The following TTC12 variants were observed in gnomAD, a reference collection of about 807,000 sequenced individuals.
TTC12 encodes tetratricopeptide repeat domain 12.
A neutral mutation model predicts 90.1 loss-of-function variants in TTC12; 70 were observed. The ratio of observed to expected loss-of-function variants is 0.78; its 90% confidence interval spans 0.64 to 0.95. The LOEUF is 0.95. Among genes scored for constraint, TTC12 ranks in the 40% least tolerant of loss-of-function variants. The pLI, the probability that TTC12 is intolerant of heterozygous loss-of-function variation, is 0.00. For missense variants in TTC12, 819 were observed against 846.1 expected (o/e 0.97, Z 0.40); for synonymous variants, 296 against 311.5 (o/e 0.95, Z 0.53).
At chr11:113,351,509 G>T (rs1404454762) in intron 15 of TTC12, among the ~76,000 whole-genome samples, 1 of 152,222 alleles carries the variant, frequency 6.6e-6, no homozygotes, top group Non-Finnish European at 1.5e-5. Flanking sequence ...GGTTACAGGG[G>T]AGGAAAAGCT....
chr11:113,354,394 A>G (rs1949500313), intron 16 of TTC12, among the ~76,000 whole-genome samples: 1 of 152,216 alleles, frequency 6.6e-6, no homozygotes, highest in African/African-American at 2.4e-5. Context: ...ATACAGGATC[A>G]TGTCGTCTAC....
chr11:113,348,495 C>A (rs923302362), intron 13 of TTC12, among the ~76,000 whole-genome samples: 1 of 152,182 alleles, frequency 6.6e-6, no homozygotes, highest in South Asian at 2.1e-4. Flanking sequence ...ATTATCTGGA[C>A]AATCACAGTT....
intron 9 of TTC12, 93 bp downstream of exon 9, chr11:113,338,927 C>A: frequency 1.8e-6 from 2 of 1,128,520 alleles, no homozygotes; most frequent in East Asian, 2.3e-5. Flanking sequence ...TGCCCTTGGC[C>A]ACTAGGCAGC....
At chr11:113,366,538 T>TC (rs1229200588), downstream of TTC12, 2 of 644,210 alleles carry the variant, frequency 3.1e-6, no homozygotes, top group Non-Finnish European at 4.9e-6. Flanking sequence ...TCTTTCCTGT[T>TC]CTGTAGAAGC....
At chr11:113,336,165 G>A (rs1032298960) in intron 8 of TTC12, among the ~76,000 whole-genome samples, 26 of 152,020 alleles carry the variant, frequency 1.7e-4, no homozygotes, top group Non-Finnish European at 3.4e-4. Context: ...TTTTTTTGGT[G>A]ACTAATGATG....
At chr11:113,367,219 A>G (rs1451235256), downstream of TTC12, among the ~76,000 whole-genome samples, 2 of 152,200 alleles carry the variant, frequency 1.3e-5, no homozygotes, top group Non-Finnish European at 2.9e-5. Flanking sequence ...TCTTCATGGT[A>G]CAGTGAATGT....
chr11:113,348,792 G>A (rs1211545894), intron 13 of TTC12, among the ~76,000 whole-genome samples: 1 of 152,094 alleles, frequency 6.6e-6, no homozygotes, highest in African/African-American at 2.4e-5. Flanking sequence ...TGGAGAACAG[G>A]GGCCAACAGG....
chr11:113,318,712 A>T (rs781944795), intron 2 of TTC12, among the ~76,000 whole-genome samples: 26 of 152,346 alleles, frequency 1.7e-4, no homozygotes, highest in Non-Finnish European at 2.5e-4. Context: ...GGTCACTGGG[A>T]AAATGACAGG....
At chr11:113,332,884 G>A (rs1948143840) in intron 7 of TTC12, among the ~76,000 whole-genome samples, 1 of 152,106 alleles carries the variant, frequency 6.6e-6, no homozygotes, top group Admixed American at 6.5e-5. Flanking sequence ...CTAGGCCCGT[G>A]GTTTTGACTT....
At chr11:113,372,794 A>G (rs901138035) in intron 21 of TTC12, among the ~76,000 whole-genome samples, 1 of 152,136 alleles carries the variant, frequency 6.6e-6, no homozygotes, top group South Asian at 2.1e-4. Flanking sequence ...TCTTGTTCCC[A>G]GTTAGGCCAG....
intron 4 of TTC12, chr11:113,324,347 A>C: frequency 1.8e-6 from 1 of 545,318 alleles, no homozygotes. Context: ...CTTCAAAGAA[A>C]AACTCTTTTA....
Position 113,314,891 on chromosome 11 carries a change from C to T in TTC12, c.-16+273C>T, listed in dbSNP as rs994961196. ...CTCCGCGCGGGGCTCGGGCACAGGT[C>T]CCCGCTGCCGCAGCCCTACCGAGTG... is the stretch of plus-strand genomic sequence containing the variant. On this transcript the variant is annotated intron_variant, in intron 1 of 21. Coordinates refer to ENST00000529221, the MANE Select transcript of TTC12 (RefSeq NM_017868.4). 3.7e-5 allele frequency: 4 copies of T among 108,050 alleles called. No homozygotes were observed. In the East Asian group the frequency reaches 8.6e-4, roughly 23 times the overall value. The allele number at this position is 108,050 out of a possible 1,614,324, so 6.7% of individuals were successfully genotyped here. A position where few individuals can be genotyped will look rare whatever the true frequency, so the allele number is the denominator to read the frequency against.
intron 1 of TTC12, chr11:113,314,889 G>GCTCCGCGCGGGGCTCGGGGGCAGGC (rs782500266): frequency 2.6e-5 from 4 of 152,306 alleles, no homozygotes; most frequent in Non-Finnish European, 4.4e-5. Flanking sequence ...TCGGGCACAG[G>GCTCCGCGCGGGGCTCGGGGGCAGGC]TCCCCGCTGC....
intron 15 of TTC12, among the ~76,000 whole-genome samples, 192 bp downstream of exon 15, chr11:113,351,491 A>G (rs932568531): frequency 6.6e-6 from 1 of 152,196 alleles, no homozygotes; most frequent in Non-Finnish European, 1.5e-5. Flanking sequence ...TGGCATATGG[A>G]TGGCGCTGGT....
intron 19 of TTC12, 106 bp from the exon 20 acceptor site, chr11:113,363,722 C>A: frequency 1.4e-6 from 1 of 734,820 alleles, no homozygotes; most frequent in Non-Finnish European, 2.3e-6. Context: ...ATTCTCTTTT[C>A]AGAGTTTAGG....
rs138567530 is a variant in TTC12, at chr11:113,361,374, C to T, written c.1615-1027C>T. 6.4e-3 allele frequency among the ~76,000 whole-genome samples: 976 copies of T among 152,268 alleles called. 11 individuals are homozygous for T. The highest frequency in any genetic ancestry group is 0.021 in the African/African-American group (878 of 41,550). ...TAGGTAAGTAATTTTAACAAGTTTC[C>T]TGAAGATGGAGAACAGCTGCAAGGG... On this transcript the variant is annotated intron_variant, in intron 18 of 21. Transcript: ENST00000529221.
chr11:113,361,860 G>C (rs1335796854), intron 18 of TTC12, among the ~76,000 whole-genome samples: 1 of 150,280 alleles, frequency 6.7e-6, no homozygotes, highest in African/African-American at 2.4e-5. Flanking sequence ...AGATGATATA[G>C]GAAACAGAAG....
At chr11:113,350,246 C>T in intron 14 of TTC12, 81 bp downstream of exon 14, 1 of 1,145,760 alleles carries the variant, frequency 8.7e-7, no homozygotes, top group Non-Finnish European at 1.3e-6. Flanking sequence ...GTGCTGTATT[C>T]AGAGAGGCTA....
chr11:113,317,267 A>C (rs1946999518), intron 2 of TTC12, among the ~76,000 whole-genome samples: 1 of 152,028 alleles, frequency 6.6e-6, no homozygotes, highest in South Asian at 2.1e-4. Flanking sequence ...AATAAACTTA[A>C]ATGTGTCCAA....
Sources: allele counts gnomAD v4.1 joint callset (sites outside exome capture counted in the v4.1 genomes callset), GRCh38; gene constraint gnomAD v4.1.1; transcripts MANE v1.5; gene names NCBI Gene and HGNC (gene_info 2026-07-23, HGNC 2026-07-21).